The following LRIG2 variants were observed in gnomAD, a reference collection of about 807,000 sequenced individuals.
LRIG2 encodes leucine-rich repeats and immunoglobulin-like domains protein 2.
LRIG2 carries 93 observed loss-of-function variants against 107.8 expected under a neutral mutation model. That is an observed-to-expected ratio of 0.86 (90% CI 0.73 to 1.03). LRIG2 has a LOEUF of 1.03. Ranked by LOEUF, LRIG2 falls within the 50% of genes least tolerant of loss-of-function variation. The pLI, the probability that LRIG2 is intolerant of heterozygous loss-of-function variation, is 0.00. For synonymous variants in LRIG2, 471 were observed against 470.6 expected (o/e 1.00, Z -0.01); for missense variants, 1,226 against 1,296.0 (o/e 0.95, Z 0.83).
intron 17 of LRIG2, among the ~76,000 whole-genome samples, chr1:113,123,561 C>T (rs1022454684): frequency 1.3e-5 from 2 of 151,934 alleles, no homozygotes; most frequent in Admixed American, 6.6e-5. Flanking sequence ...GCAACAAGAG[C>T]GAAACTCCAT....
chr1:113,124,764 T>C lies in LRIG2; in HGVS notation c.*663T>C, dbSNP rs1489037464. On this transcript the variant is annotated 3_prime_UTR_variant, in exon 18 of 18. Transcript: ENST00000361127. Reference sequence around the variant, plus strand: ...CCATATGTGTTGGCTGCAATGTAAATATTTTTGATATGCCAAAATTATATG... The same window carrying C: ...CCATATGTGTTGGCTGCAATGTAAACATTTTTGATATGCCAAAATTATATG... 6.6e-6 allele frequency: 1 copy of C among 152,218 alleles called. No individual in the cohort carries two copies. The highest frequency in any genetic ancestry group is 1.5e-5 in the Non-Finnish European group (1 of 68,070). The allele number at this position is 152,218 out of a possible 1,614,324, so 9.4% of individuals were successfully genotyped here.
chr1:113,075,166 C>G (rs1570716173), intron 1 of LRIG2, among the ~76,000 whole-genome samples: 1 of 151,494 alleles, frequency 6.6e-6, no homozygotes, highest in East Asian at 1.9e-4. Flanking sequence ...GAGCCGAGAT[C>G]GTGCCATTGC....
intron 1 of LRIG2, among the ~76,000 whole-genome samples, chr1:113,082,855 C>A (rs926041017): frequency 6.6e-6 from 1 of 151,998 alleles, no homozygotes. Flanking sequence ...GGGGTTTTGC[C>A]ATGTTGGCCA....
chr1:113,101,909 T>TTAA (rs1654322344), intron 11 of LRIG2, among the ~76,000 whole-genome samples: 1 of 152,208 alleles, frequency 6.6e-6, no homozygotes, highest in African/African-American at 2.4e-5. Flanking sequence ...ACTCATAGCA[T>TTAA]ATTACAGTAA....
intron 8 of LRIG2, among the ~76,000 whole-genome samples, chr1:113,097,805 T>G (rs1654130395): frequency 6.6e-6 from 1 of 152,200 alleles, no homozygotes; most frequent in South Asian, 2.1e-4. Context: ...TTGAATGGTT[T>G]CTATTTATGC....
chr1:113,073,393 G>A lies in LRIG2; in HGVS notation c.-14G>A, dbSNP rs770081823. The A allele has an allele frequency of 6.2e-7, 1 of 1,610,004 alleles. No individual in the cohort carries two copies. The highest frequency in any genetic ancestry group is 8.5e-7 in the Non-Finnish European group (1 of 1,176,718). ...AGGCAGCTCTTCTAGGCCACGTCCA[G>A]GTCGAGGGGGAAAATGGCGCCGGCG... On this transcript the variant is annotated 5_prime_UTR_variant, in exon 1 of 18. Transcript: ENST00000361127.
At chr1:113,103,085 T>G (rs1390446843) in intron 11 of LRIG2, 1 of 152,130 alleles carries the variant, frequency 6.6e-6, no homozygotes, top group African/African-American at 2.4e-5. Context: ...AACATAAAAT[T>G]TAAACAGTAG....
In LRIG2 at chr1:113,124,059, T is replaced by C; in HGVS notation, c.3156T>C (p.Phe1052=). The C allele has an allele frequency of 6.2e-7, 1 of 1,614,174 alleles. No individual in the cohort carries two copies. The highest frequency in any genetic ancestry group is 8.5e-7 in the Non-Finnish European group (1 of 1,180,032). The change falls in exon 18 of 18, where the codon TTT becomes TTC. Residue 1052 remains phenylalanine (F), a synonymous_variant. Transcript: ENST00000361127. ...GGTTACAGGATCATGCTTTTGATTT[T>C]AGTAGGACTCGGAACATTCAAGATG... is the stretch of plus-strand genomic sequence containing the variant. ...CHRLQDHAFD[F]SRTRNIQDGS...
intron 1 of LRIG2, among the ~76,000 whole-genome samples, chr1:113,074,476 C>T (rs1319171258): frequency 6.6e-6 from 1 of 152,114 alleles, no homozygotes; most frequent in Non-Finnish European, 1.5e-5. Context: ...CTGAGTCAGC[C>T]TGGTGGTATT....
At chr1:113,118,328 C>G (rs1359616983) in intron 16 of LRIG2, among the ~76,000 whole-genome samples, 1 of 152,216 alleles carries the variant, frequency 6.6e-6, no homozygotes, top group African/African-American at 2.4e-5. Context: ...CATTGTTAAA[C>G]CTATACTTCT....
chr1:113,109,937 T>C (rs894955007), intron 12 of LRIG2, among the ~76,000 whole-genome samples: 5 of 152,192 alleles, frequency 3.3e-5, no homozygotes, highest in African/African-American at 1.2e-4. Context: ...TTGAGAAATA[T>C]ATTCTGAGCA....
chr1:113,073,732 G>A, intron 1 of LRIG2, 87 bp downstream of exon 1: 1 of 1,265,294 alleles, frequency 7.9e-7, no homozygotes, highest in Non-Finnish European at 1.1e-6. Context: ...AGGCCTGGTC[G>A]GAGGGTGTGG....
At chr1:113,098,294 T>G (rs1424258181) in intron 8 of LRIG2, among the ~76,000 whole-genome samples, 1 of 152,196 alleles carries the variant, frequency 6.6e-6, no homozygotes, top group Non-Finnish European at 1.5e-5. Flanking sequence ...GAGGAAGGCT[T>G]GGGTCACCCA....
At chr1:113,081,238 C>T (rs1324666596) in intron 1 of LRIG2, among the ~76,000 whole-genome samples, 1 of 152,088 alleles carries the variant, frequency 6.6e-6, no homozygotes, top group Non-Finnish European at 1.5e-5. Context: ...CACAAGTAAT[C>T]TTTCATTTTT....
chr1:113,077,631 G>A (rs1299995528), intron 1 of LRIG2, among the ~76,000 whole-genome samples: 1 of 152,040 alleles, frequency 6.6e-6, no homozygotes, highest in Non-Finnish European at 1.5e-5. Context: ...TAGCATAGAG[G>A]ACATAAGCTT....
At chr1:113,104,520 GTC>G (rs1433384669) in intron 11 of LRIG2, among the ~76,000 whole-genome samples, 1 of 151,502 alleles carries the variant, frequency 6.6e-6, no homozygotes, top group Non-Finnish European at 1.5e-5. Flanking sequence ...CAAAATAAAA[GTC>G]TTTTTTTTTT....
In LRIG2 at chr1:113,119,507, C is replaced by T. The variant is rs1377675094; in HGVS notation, c.2955C>T (p.Ser985=). ...HERISEKKLP[S]TQMSGETLQR... is the part of the protein sequence containing the mutation. Reference sequence around the variant, plus strand: ...GGATAAGTGAGAAGAAACTTCCCTCCACACAGATGAGCGGTGGTAAGGGAT... The same window carrying T: ...GGATAAGTGAGAAGAAACTTCCCTCTACACAGATGAGCGGTGGTAAGGGAT... Residue 985 remains serine (S), a synonymous_variant, in exon 17 of 18, where the codon TCC becomes TCT. Coordinates refer to ENST00000361127, the MANE Select transcript of LRIG2 (RefSeq NM_014813.3). 1 of 1,613,922 alleles carries T rather than the reference C, an allele frequency of 6.2e-7. No homozygotes were observed. The highest frequency in any genetic ancestry group is 8.5e-7 in the Non-Finnish European group (1 of 1,179,972).
At chr1:113,084,726 A>G (rs1653469320) in intron 1 of LRIG2, among the ~76,000 whole-genome samples, 1 of 152,232 alleles carries the variant, frequency 6.6e-6, no homozygotes, top group Non-Finnish European at 1.5e-5. Context: ...TCTTAGATGG[A>G]TGACATTTTA....
rs1330043040 is a variant in LRIG2 at position 113,132,183 on chromosome 1, GTA to G, written c.*8086_*8087del. ...TTTATATTTTGTCACACATCAGAAT[GTA>G]TATTTTATAGAGCATGTGTTTGTCT... is the stretch of plus-strand genomic sequence containing the variant. On this transcript the variant is annotated 3_prime_UTR_variant, in exon 18 of 18. Coordinates refer to ENST00000361127, the MANE Select transcript of LRIG2 (RefSeq NM_014813.3). The G allele has an allele frequency of 6.6e-6, 1 of 152,000 alleles. No homozygotes were observed. Among genetic ancestry groups the G allele is most frequent in the African/African-American group, 2.4e-5 (1 of 41,404 alleles). The allele number at this position is 152,000 out of a possible 1,614,324, so 9.4% of individuals were successfully genotyped here.
Sources: allele counts gnomAD v4.1 joint callset (sites outside exome capture counted in the v4.1 genomes callset), GRCh38; gene constraint gnomAD v4.1.1; transcripts MANE v1.5; gene names NCBI Gene and HGNC (gene_info 2026-07-23, HGNC 2026-07-21).